TSHR: variants seen among roughly 807,000 people sequenced by gnomAD.
TSHR encodes the protein thyroid stimulating hormone receptor.
TSHR carries 51 observed loss-of-function variants against 64.1 expected under a neutral mutation model. That is an observed-to-expected ratio of 0.80 (90% CI 0.64 to 1.01). The LOEUF (loss-of-function observed/expected upper bound fraction) is 1.01, where lower values mean the gene tolerates loss of function less well. Among genes scored for constraint, TSHR ranks in the 50% least tolerant of loss-of-function variants. TSHR has a pLI of 0.00. For missense variants in TSHR, 877 were observed against 942.8 expected, an observed-to-expected ratio of 0.93 and a Z score of 0.91; for synonymous variants, 361 against 361.9, an observed-to-expected ratio of 1.00 and a Z score of 0.03.
intron 8 of TSHR, among the ~76,000 whole-genome samples, chr14:81,115,894 G>T (rs1459225743): frequency 6.7e-6 from 1 of 149,380 alleles, no homozygotes; most frequent in Admixed American, 6.8e-5. Flanking sequence ...TTCAAGAAAA[G>T]AATTTTCAAC....
intron 3 of TSHR, among the ~76,000 whole-genome samples, chr14:81,084,112 C>T (rs1308793425): frequency 2.0e-5 from 3 of 152,160 alleles, no homozygotes; most frequent in Non-Finnish European, 4.4e-5. Context: ...GGTTACAATT[C>T]AAGATGAGAT....
chr14:81,029,480 C>T (rs1884237911), intron 1 of TSHR, among the ~76,000 whole-genome samples: 1 of 152,052 alleles, frequency 6.6e-6, no homozygotes, highest in Non-Finnish European at 1.5e-5. Flanking sequence ...TGGATTGTTA[C>T]AGTTCCATAT....
intron 7 of TSHR, among the ~76,000 whole-genome samples, chr14:81,101,420 T>C (rs1429116628): frequency 1.3e-5 from 2 of 152,174 alleles, no homozygotes; most frequent in Admixed American, 6.5e-5. Flanking sequence ...AATTTTACCA[T>C]AGGCTAGTTG....
At chr14:80,959,434 AG>A (rs1308789163) in intron 1 of TSHR, 1 of 152,258 alleles carries the variant, frequency 6.6e-6, no homozygotes, top group Non-Finnish European at 1.5e-5. Flanking sequence ...TCTCTTACTC[AG>A]AAAGTTGCCA....
chr14:81,108,951 C>A, intron 8 of TSHR: 2 of 1,343,058 alleles, frequency 1.5e-6, no homozygotes, highest in Admixed American at 3.2e-5. Context: ...TGAAAACATA[C>A]CTATTTGTGC....
intron 1 of TSHR, among the ~76,000 whole-genome samples, chr14:81,038,763 A>G (rs534797539): frequency 6.9e-6 from 1 of 144,216 alleles, no homozygotes; most frequent in Non-Finnish European, 1.5e-5. Flanking sequence ...TTAAAAATAA[A>G]TAAAAAGAAA....
chr14:81,122,247 T>C (rs1890833234), intron 8 of TSHR, among the ~76,000 whole-genome samples: 1 of 151,592 alleles, frequency 6.6e-6, no homozygotes, highest in Non-Finnish European at 1.5e-5. Context: ...TTCACCATGT[T>C]GGCCAGGCTG....
rs534952894 is a variant in TSHR, at chr14:81,143,055, A to G, written c.997A>G (p.Ser333Gly). 8.1e-6 allele frequency: 13 copies of G among 1,614,220 alleles called. No individual in the cohort carries two copies. The South Asian group carries it at 1.3e-4, about 16-fold the overall frequency. ...GGAATATGAAGAGAATCTGGGTGACAGCATTGTTGGGTACAAGGAAAAGTC... is the reference window on the plus strand; with the variant it reads ...GGAATATGAAGAGAATCTGGGTGACGGCATTGTTGGGTACAAGGAAAAGTC... ...HQEYEENLGD[S>G]IVGYKEKSKF... The change falls in exon 10 of 10, where the codon AGC (serine) becomes GGC (glycine). Residue 333 changes from serine to glycine, a missense_variant. By Grantham distance (56) the Ser-to-Gly change is moderately conservative. Coordinates refer to ENST00000298171, the MANE Select transcript of TSHR (RefSeq NM_000369.5).
intron 9 of TSHR, among the ~76,000 whole-genome samples, chr14:81,141,587 G>T (rs1308576825): frequency 6.6e-6 from 1 of 152,112 alleles, no homozygotes; most frequent in Non-Finnish European, 1.5e-5. Flanking sequence ...CTTGTATTTT[G>T]CTTACTGTCT....
At chr14:81,136,994 T>C (rs1891480824) in intron 8 of TSHR, among the ~76,000 whole-genome samples, 1 of 152,336 alleles carries the variant, frequency 6.6e-6, no homozygotes, top group East Asian at 1.9e-4. Flanking sequence ...ATGATACTTA[T>C]GACTCCACCC....
intron 2 of TSHR, among the ~76,000 whole-genome samples, chr14:81,062,595 A>G (rs1290114476): frequency 6.6e-6 from 1 of 152,140 alleles, no homozygotes; most frequent in African/African-American, 2.4e-5. Flanking sequence ...CTAGTCACCA[A>G]GTCTTGAATC....
chr14:81,062,192 T>C lies in TSHR; in HGVS notation c.215T>C (p.Phe72Ser), dbSNP rs1348276163. ...THLRTIPSHA[F>S]SNLPNISRIY... is the part of the protein sequence containing the mutation. ...CTGAGAACTATTCCAAGTCATGCAT[T>C]TTCTAATCTGCCCAATATTTCCAGA... Residue 72 changes from phenylalanine (F) to serine (S), a missense_variant, in exon 2 of 10, where the codon TTT becomes TCT. By Grantham distance (155) the Phe-to-Ser change is radical. Coordinates refer to ENST00000298171, the MANE Select transcript of TSHR (RefSeq NM_000369.5). The C allele has an allele frequency of 6.2e-7, 1 of 1,611,812 alleles. No homozygotes were observed. Among genetic ancestry groups the C allele is most frequent in the African/African-American group, 1.3e-5 (1 of 74,966 alleles).
intron 1 of TSHR, chr14:81,003,364 C>G (rs1399432625): frequency 6.5e-6 from 1 of 152,932 alleles, no homozygotes; most frequent in African/African-American, 2.4e-5. Context: ...TATCATTAGC[C>G]CTGACCTCTT....
intron 1 of TSHR, among the ~76,000 whole-genome samples, chr14:80,985,367 C>A (rs546132406): frequency 6.6e-6 from 1 of 152,304 alleles, no homozygotes; most frequent in East Asian, 1.9e-4. Flanking sequence ...GGCCAAAGGG[C>A]TTTATCTTTT....
chr14:81,058,677 T>C (rs1296952551), intron 1 of TSHR, among the ~76,000 whole-genome samples: 1 of 152,226 alleles, frequency 6.6e-6, no homozygotes, highest in Non-Finnish European at 1.5e-5. Context: ...GCAAATTCTT[T>C]GGACAAAAGT....
At chr14:81,114,143 A>AC (rs1342038723) in intron 8 of TSHR, among the ~76,000 whole-genome samples, 40 of 151,390 alleles carry the variant, frequency 2.6e-4, no homozygotes, top group African/African-American at 9.4e-4. Flanking sequence ...AAAAAAAAAA[A>AC]AACCTACAAA....
chr14:81,051,951 C>T (rs1885458267), intron 1 of TSHR: 1 of 151,930 alleles, frequency 6.6e-6, no homozygotes, highest in Non-Finnish European at 1.5e-5. Context: ...AAAATGAGGC[C>T]CTTTGACAAT....
chr14:81,058,993 A>G (rs1381323710), intron 1 of TSHR, among the ~76,000 whole-genome samples: 1 of 152,156 alleles, frequency 6.6e-6, no homozygotes, highest in African/African-American at 2.4e-5. Flanking sequence ...AATTAACTCT[A>G]GCCACAAAAC....
In TSHR at chr14:81,087,984, C is replaced by T; in HGVS notation, c.348C>T (p.Tyr116=). ...TTCGGAATACCAGGAACTTAACTTA[C>T]ATAGACCCTGATGCCCTCAAAGAGC... is the stretch of plus-strand genomic sequence containing the variant. ...IEIRNTRNLT[Y]IDPDALKELP... is the part of the protein sequence containing the mutation. The change falls in exon 4 of 10, where the codon TAC becomes TAT. Residue 116 remains tyrosine (Y), a synonymous_variant. Transcript: ENST00000298171. 1 of 1,613,890 alleles carries T rather than the reference C, an allele frequency of 6.2e-7. No homozygotes were observed. The highest frequency in any genetic ancestry group is 1.7e-5 in the Admixed American group (1 of 60,018).
Sources: gnomAD v4.1 joint callset for allele counts (sites outside exome capture counted in the v4.1 genomes callset) on GRCh38, gnomAD v4.1.1 for gene constraint, MANE v1.5 for transcripts, NCBI Gene and HGNC (gene_info 2026-07-23, HGNC 2026-07-21) for gene names.